The following CLIC5 variants were observed in gnomAD, a reference collection of about 807,000 sequenced individuals.
CLIC5 encodes the protein chloride intracellular channel protein 5.
CLIC5 carries 20 observed loss-of-function variants against 24.7 expected under a neutral mutation model. That is an observed-to-expected ratio of 0.81 (90% confidence interval 0.57 to 1.18). The LOEUF is 1.18. Ranked by LOEUF, CLIC5 falls within the 50% of genes most tolerant of loss-of-function variation. CLIC5 has a pLI of 0.00. For synonymous variants in CLIC5, 159 were observed against 135.6 expected, an observed-to-expected ratio of 1.17 and a Z score of -1.20; for missense variants, 341 against 326.1, an observed-to-expected ratio of 1.05 and a Z score of -0.35.
intron 1 of CLIC5, among the ~76,000 whole-genome samples, chr6:45,978,462 C>G (rs913098061): frequency 1.3e-5 from 2 of 152,122 alleles, no homozygotes; most frequent in African/African-American, 4.8e-5. Context: ...AGGAAGTATT[C>G]AACAATATTT....
chr6:45,975,005 A>C (rs868748863), intron 1 of CLIC5, among the ~76,000 whole-genome samples: 5 of 152,342 alleles, frequency 3.3e-5, no homozygotes, highest in African/African-American at 1.2e-4. Context: ...TTACAGATAA[A>C]GAATTGTAGA....
intron 1 of CLIC5, among the ~76,000 whole-genome samples, chr6:45,997,355 G>A (rs902547180): frequency 2.4e-5 from 3 of 123,620 alleles, no homozygotes; most frequent in African/African-American, 9.2e-5. Flanking sequence ...GGACTGTTGT[G>A]GGGTGGGGGG....
chr6:45,969,757 C>T, intron 1 of CLIC5, among the ~76,000 whole-genome samples: 1 of 149,594 alleles, frequency 6.7e-6, no homozygotes. Context: ...AAAAATCCTG[C>T]CTTGTTATTG....
intron 4 of CLIC5, chr6:45,914,644 A>G (rs1470584046): frequency 2.8e-6 from 2 of 713,970 alleles, no homozygotes; most frequent in Non-Finnish European, 3.7e-6. Flanking sequence ...TTTTGCTTTG[A>G]AAAAAATACA....
rs1475769655 is a variant in CLIC5 at position 45,931,596 on chromosome 6, GA to G, written c.406+9950del. Among the ~76,000 whole-genome samples the G allele has an allele frequency of 3.9e-5, 6 of 152,266 alleles. No homozygotes were observed. In the East Asian group the frequency reaches 1.2e-3, roughly 29 times the overall value. ...AGGCAATGTCTTACAATCAAAATAT[GA>G]GAGGTTAAGTGAAAACACTTTGTTT... On this transcript the variant is annotated intron_variant, in intron 4 of 5. Transcript: ENST00000339561.
chr6:46,020,027 C>T (rs1381005777), upstream of CLIC5, among the ~76,000 whole-genome samples: 1 of 151,948 alleles, frequency 6.6e-6, no homozygotes, highest in Non-Finnish European at 1.5e-5. Flanking sequence ...GACAAAAAAT[C>T]CATAAGAATA....
chr6:46,106,255 G>A, the CLIC5 span, among the ~76,000 whole-genome samples: 418 of 152,178 alleles, frequency 2.7e-3, no homozygotes, highest in African/African-American at 9.6e-3. Flanking sequence ...CTACAGGAGC[G>A]TGCCACCATG....
chr6:46,077,326 A>T (rs1762797853), intron 1 of CLIC5, among the ~76,000 whole-genome samples: 1 of 152,144 alleles, frequency 6.6e-6, no homozygotes, highest in Non-Finnish European at 1.5e-5. Flanking sequence ...TACACAAATG[A>T]ATACAAGTAT....
intron 3 of CLIC5, among the ~76,000 whole-genome samples, chr6:45,946,677 CTGG>C (rs1021652440): frequency 1.3e-5 from 2 of 152,192 alleles, no homozygotes; most frequent in African/African-American, 4.8e-5. Context: ...GCTGGTGAGG[CTGG>C]TGGTTTGTTC....
intron 1 of CLIC5, among the ~76,000 whole-genome samples, chr6:46,031,955 CACA>C: frequency 6.7e-6 from 1 of 150,064 alleles, no homozygotes; most frequent in South Asian, 2.1e-4. Context: ...CACACACACA[CACA>C]ACAAATATAT....
chr6:46,071,780 T>C (rs1762604466), intron 1 of CLIC5, among the ~76,000 whole-genome samples: 1 of 152,162 alleles, frequency 6.6e-6, no homozygotes, highest in Non-Finnish European at 1.5e-5. Context: ...TAAAGACACA[T>C]GGATGCATAA....
chr6:45,882,465 C>T (rs886335495), intron 6 of CLIC5, among the ~76,000 whole-genome samples: 6 of 152,252 alleles, frequency 3.9e-5, no homozygotes, highest in African/African-American at 1.4e-4. Flanking sequence ...CTTAGCTGTT[C>T]TTCTTTAACC....
At chr6:45,961,648 ACT>A in intron 1 of CLIC5, among the ~76,000 whole-genome samples, 1 of 152,032 alleles carries the variant, frequency 6.6e-6, no homozygotes, top group East Asian at 1.9e-4. Context: ...TCTAGTTGTG[ACT>A]ATTTTTTTTT....
At chr6:46,049,263 A>C (rs947153683) in intron 1 of CLIC5, among the ~76,000 whole-genome samples, 2 of 152,196 alleles carry the variant, frequency 1.3e-5, no homozygotes, top group Non-Finnish European at 2.9e-5. Flanking sequence ...TCCTTTAAAT[A>C]ATATTTTTAA....
chr6:46,118,438 A>G, the CLIC5 span, among the ~76,000 whole-genome samples: 1 of 152,178 alleles, frequency 6.6e-6, no homozygotes, highest in Admixed American at 6.5e-5. Context: ...AAGGGGGCAC[A>G]ATGAATATTT....
At chr6:46,099,434 G>T in the CLIC5 span, among the ~76,000 whole-genome samples, 1 of 152,226 alleles carries the variant, frequency 6.6e-6, no homozygotes, top group Non-Finnish European at 1.5e-5. Context: ...CTGAGCAAGT[G>T]AAACAGTAGA....
At chr6:45,906,711 C>G (rs183821756) in intron 5 of CLIC5, among the ~76,000 whole-genome samples, 16 of 152,068 alleles carry the variant, frequency 1.1e-4, no homozygotes, top group African/African-American at 3.6e-4. Flanking sequence ...TACAGGCATG[C>G]GCCACCATGC....
intron 1 of CLIC5, among the ~76,000 whole-genome samples, chr6:45,999,506 C>T (rs1365211383): frequency 6.6e-6 from 1 of 151,992 alleles, no homozygotes; most frequent in Non-Finnish European, 1.5e-5. Flanking sequence ...TGTGTGTATA[C>T]AGTTGACCCT....
intron 1 of CLIC5, among the ~76,000 whole-genome samples, chr6:46,011,300 A>T (rs1038804722): frequency 1.3e-5 from 2 of 152,190 alleles, no homozygotes; most frequent in African/African-American, 4.8e-5. Flanking sequence ...AGGCTGTTAG[A>T]AGTTCTGGAC....
Sources: allele counts gnomAD v4.1 joint callset (sites outside exome capture counted in the v4.1 genomes callset), GRCh38; gene constraint gnomAD v4.1.1; transcripts MANE v1.5; gene names NCBI Gene and HGNC (gene_info 2026-07-23, HGNC 2026-07-21).